ACTR3: variants seen among roughly 807,000 people sequenced by gnomAD.
The protein encoded by ACTR3 is actin related protein 3.
Under a neutral mutation model 56.8 loss-of-function variants are expected in ACTR3, and 12 were observed. The observed-to-expected ratio is 0.21, with a 90% CI of 0.14 to 0.34. ACTR3 has a LOEUF of 0.34. Among genes scored for constraint, ACTR3 ranks in the 10% least tolerant of loss-of-function variants. The pLI is 1.00. For synonymous variants in ACTR3, 162 were observed against 167.4 expected (o/e 0.97, Z 0.25); for missense variants, 282 against 512.5 (o/e 0.55, Z 4.34).
intron 1 of ACTR3, among the ~76,000 whole-genome samples, chr2:113,911,244 A>G (rs1679300607): frequency 6.6e-6 from 1 of 151,934 alleles, no homozygotes; most frequent in Non-Finnish European, 1.5e-5. Flanking sequence ...CAGAGGCCAA[A>G]TAATAAAGGG....
intron 6 of ACTR3, among the ~76,000 whole-genome samples, chr2:113,935,514 C>A (rs1208100433): frequency 6.6e-6 from 1 of 152,156 alleles, no homozygotes; most frequent in East Asian, 1.9e-4. Flanking sequence ...CAAGATTCAT[C>A]CATGTTTTAG....
At chr2:113,926,916 A>C (rs1679631859) in intron 3 of ACTR3, among the ~76,000 whole-genome samples, 1 of 152,230 alleles carries the variant, frequency 6.6e-6, no homozygotes, top group Non-Finnish European at 1.5e-5. Context: ...GTATGTACTT[A>C]CAGGTGCACT....
chr2:113,913,072 C>T, intron 1 of ACTR3, 100 bp from the exon 2 acceptor site: 2 of 733,652 alleles, frequency 2.7e-6, no homozygotes, highest in Non-Finnish European at 4.4e-6. Context: ...TATTATTTAC[C>T]TACGATGGAA....
Position 113,958,430 on chromosome 2 carries a change from G to A in ACTR3, c.*975G>A, listed in dbSNP as rs1680263165. 6.6e-6 allele frequency: 1 copy of A among 152,418 alleles called. No homozygotes were observed. The highest frequency in any genetic ancestry group is 6.6e-5 in the Admixed American group (1 of 15,250). The allele number at this position is 152,418 out of a possible 1,614,324, so 9.4% of individuals were successfully genotyped here. ...GTTGAGTGCTTTCATTTTGATAACT[G>A]GATCTCCATTTGATATTTTCATTTG... On this transcript the variant is annotated 3_prime_UTR_variant, in exon 12 of 12. Transcript: ENST00000263238.
chr2:113,953,237 C>T (rs556596381), intron 10 of ACTR3: 21 of 152,242 alleles, frequency 1.4e-4, no homozygotes, highest in African/African-American at 5.1e-4. Context: ...AATAAATTTA[C>T]CCAGTGATCA....
upstream of ACTR3, chr2:113,890,036 G>C (rs1678852137): frequency 1.4e-5 from 8 of 590,210 alleles, no homozygotes; most frequent in South Asian, 1.5e-4. Flanking sequence ...GGAGGGAAGA[G>C]AGAGGGGGAG....
chr2:113,961,112 T>C lies in ACTR3; in HGVS notation c.*3657T>C, dbSNP rs1680317410. The C allele has an allele frequency of 6.6e-6, 1 of 151,950 alleles. No homozygotes were observed. The highest frequency in any genetic ancestry group is 1.5e-5 in the Non-Finnish European group (1 of 67,904). The allele number at this position is 151,950 out of a possible 1,614,324, so 9.4% of individuals were successfully genotyped here. On this transcript the variant is annotated 3_prime_UTR_variant, in exon 12 of 12. Transcript: ENST00000263238. Reference sequence around the variant, plus strand: ...GTGAAAAAGAATTTCTGCTACTCATTGTTGATAACGCTTCAGTACTGTATA... The same window carrying C: ...GTGAAAAAGAATTTCTGCTACTCATCGTTGATAACGCTTCAGTACTGTATA...
chr2:113,908,165 A>G (rs1046290147), intron 1 of ACTR3, among the ~76,000 whole-genome samples: 5 of 151,802 alleles, frequency 3.3e-5, no homozygotes, highest in African/African-American at 1.2e-4. Context: ...ACTGAAAAAC[A>G]AGAGCCTTGA....
intron 1 of ACTR3, among the ~76,000 whole-genome samples, chr2:113,902,811 G>C (rs1346129647): frequency 6.6e-6 from 1 of 152,088 alleles, no homozygotes; most frequent in Non-Finnish European, 1.5e-5. Flanking sequence ...TGTTGGCCAG[G>C]GTGGCCTCAA....
At chr2:113,899,392 G>C (rs573197586) in intron 1 of ACTR3, among the ~76,000 whole-genome samples, 1 of 152,092 alleles carries the variant, frequency 6.6e-6, no homozygotes, top group Non-Finnish European at 1.5e-5. Context: ...AAAAATAGAA[G>C]AACTTAAAGT....
chr2:113,920,267 A>G (rs1679483153), intron 3 of ACTR3, among the ~76,000 whole-genome samples: 1 of 152,022 alleles, frequency 6.6e-6, no homozygotes, highest in Non-Finnish European at 1.5e-5. Context: ...TCTGTTGCCC[A>G]TGCTCGTCTC....
chr2:113,913,530 A>G lies in ACTR3; in HGVS notation c.100+303A>G, dbSNP rs187986826. 3.1e-3 allele frequency among the ~76,000 whole-genome samples: 469 copies of G among 152,320 alleles called. 4 individuals are homozygous for G. Among genetic ancestry groups the G allele is most frequent in the African/African-American group, 0.011 (444 of 41,578 alleles). Reference sequence around the variant, plus strand: ...ATTGCAGTTAACAGTATGGGGGTATAACTAATTATCAAGTAGTCCATTCCC... The same window carrying G: ...ATTGCAGTTAACAGTATGGGGGTATGACTAATTATCAAGTAGTCCATTCCC... On this transcript the variant is annotated intron_variant, in intron 2 of 11. Transcript: ENST00000263238.
At chr2:113,926,276 A>T (rs1264936430) in intron 3 of ACTR3, among the ~76,000 whole-genome samples, 1 of 152,228 alleles carries the variant, frequency 6.6e-6, no homozygotes, top group African/African-American at 2.4e-5. Flanking sequence ...AATATATAAT[A>T]GTTTGATTTA....
chr2:113,953,970 A>G (rs1046312960), intron 10 of ACTR3: 3 of 152,124 alleles, frequency 2.0e-5, no homozygotes, highest in South Asian at 4.1e-4. Context: ...TACATACTCA[A>G]TGTTTTTTGT....
intron 6 of ACTR3, among the ~76,000 whole-genome samples, chr2:113,935,749 G>A (rs13004463): frequency 0.074 from 11,224 of 152,024 alleles, 461 homozygotes; most frequent in African/African-American, 0.1. Flanking sequence ...AAATCAGTCT[G>A]TGATAAATAT....
upstream of ACTR3, chr2:113,890,031 G>GA (rs1559448307): frequency 1.7e-6 from 1 of 585,706 alleles, no homozygotes; most frequent in Admixed American, 2.9e-5. Flanking sequence ...GAGGAGGAGG[G>GA]AAGAGAGAGG....
intron 1 of ACTR3, among the ~76,000 whole-genome samples, chr2:113,891,541 C>T (rs1678897094): frequency 6.7e-6 from 1 of 149,720 alleles, no homozygotes; most frequent in Non-Finnish European, 1.5e-5. Context: ...GTGCTGATGA[C>T]ATCTCTCCAA....
rs1283295881 is a variant in ACTR3 at position 113,961,601 on chromosome 2, A to G, written c.*4146A>G. The G allele has an allele frequency of 1.3e-5, 2 of 151,954 alleles. No homozygotes were observed. Among genetic ancestry groups the G allele is most frequent in the Non-Finnish European group, 2.9e-5 (2 of 67,874 alleles). 9.4% of individuals were successfully genotyped at this position (151,954 alleles called of 1,614,324 possible). On this transcript the variant is annotated 3_prime_UTR_variant, in exon 12 of 12. Transcript: ENST00000263238. ...GCACCAACATTCACTTATATTACCTATATATTGCATCAAGTTTTGAGCCTT... is the reference window on the plus strand; with the variant it reads ...GCACCAACATTCACTTATATTACCTGTATATTGCATCAAGTTTTGAGCCTT...
chr2:113,951,838 G>A lies in ACTR3; in HGVS notation c.1070G>A (p.Arg357Lys). Reference sequence around the variant, plus strand: ...TTAAGTGAGGAATTGAGTGGTGGTAGATTGAAGGTTGGTTTTCCCAATTAT... The same window carrying A: ...TTAAGTGAGGAATTGAGTGGTGGTAAATTGAAGGTTGGTTTTCCCAATTAT... ...LKLSEELSGG[R>K]LKPKPIDVQV... Residue 357 changes from arginine to lysine, a missense_variant, in exon 10 of 12, where the codon AGA (arginine) becomes AAA (lysine). Transcript: ENST00000263238. 6.2e-7 allele frequency: 1 copy of A among 1,613,302 alleles called. No individual in the cohort carries two copies. Among genetic ancestry groups the A allele is most frequent in the South Asian group, 1.1e-5 (1 of 91,018 alleles).
Sources: gnomAD v4.1 joint callset for allele counts (sites outside exome capture counted in the v4.1 genomes callset) on GRCh38, gnomAD v4.1.1 for gene constraint, MANE v1.5 for transcripts, NCBI Gene and HGNC (gene_info 2026-07-23, HGNC 2026-07-21) for gene names.